The following MAP4 variants were observed in gnomAD, a reference collection of about 807,000 sequenced individuals.
The protein encoded by MAP4 is microtubule-associated protein 4.
In MAP4, 76 loss-of-function variants were observed where a neutral mutation model predicts 170.2. The ratio of observed to expected loss-of-function variants is 0.45; its 90% CI spans 0.37 to 0.54. The LOEUF (loss-of-function observed/expected upper bound fraction) is 0.54. Ranked by LOEUF, MAP4 falls within the 20% of genes least tolerant of loss-of-function variation. The pLI is 0.00. For missense variants in MAP4, 2,506 were observed against 2,748.0 expected (o/e 0.91, Z 1.97); for synonymous variants, 909 against 994.5 (o/e 0.91, Z 1.62).
intron 1 of MAP4, among the ~76,000 whole-genome samples, chr3:48,055,377 A>C (rs1284640207): frequency 6.6e-6 from 1 of 151,716 alleles, no homozygotes; most frequent in East Asian, 1.9e-4. Context: ...GCCACGCCTG[A>C]TTGGTTTTGG....
At chr3:47,915,257 C>G (rs2100038125) in intron 7 of MAP4, among the ~76,000 whole-genome samples, 1 of 151,990 alleles carries the variant, frequency 6.6e-6, no homozygotes, top group Non-Finnish European at 1.5e-5. Context: ...GCTGGGATTA[C>G]AGGCATGCGC....
intron 6 of MAP4, 93 bp downstream of exon 6, chr3:47,918,626 C>G: frequency 1.1e-6 from 1 of 931,550 alleles, no homozygotes. Context: ...ATTTTTATAC[C>G]TGCTGTAAGC....
chr3:47,985,189 A>G (rs2100087883), intron 2 of MAP4, among the ~76,000 whole-genome samples: 2 of 152,188 alleles, frequency 1.3e-5, no homozygotes, highest in South Asian at 4.1e-4. Context: ...CTGAGGCAGG[A>G]GGATCACCTG....
intron 2 of MAP4, chr3:47,987,439 A>C: frequency 6.6e-7 from 1 of 1,520,652 alleles, no homozygotes; most frequent in Non-Finnish European, 8.8e-7. Flanking sequence ...GAGGTCTAGA[A>C]GGGAAAGGGA....
chr3:47,910,778 C>T lies in MAP4; in HGVS notation c.3643G>A (p.Glu1215Lys). 1 of 1,536,100 alleles carries T rather than the reference C, an allele frequency of 6.5e-7. No homozygotes were observed. Among genetic ancestry groups the T allele is most frequent in the Non-Finnish European group, 8.7e-7 (1 of 1,146,894 alleles). ...TTTTTAAACTTTTTGCTTTTGCCTT[C>T]ATTGCCTCTCTTTTTAGGCTTTTCA... ...ISEKPKKRGNEGKSKKFKNNY... is the reference protein window; with the variant it reads ...ISEKPKKRGNKGKSKKFKNNY... The change falls in exon 9 of 21, where the codon GAA becomes AAA. Residue 1215 changes from glutamate to lysine, a missense_variant. Physicochemically the swap from Glu to Lys is moderately conservative, Grantham distance 56. Transcript: ENST00000683076.
intron 1 of MAP4, among the ~76,000 whole-genome samples, chr3:48,077,009 T>C (rs934286798): frequency 1.3e-5 from 2 of 151,842 alleles, no homozygotes; most frequent in Admixed American, 1.3e-4. Flanking sequence ...TATCCAGGTG[T>C]GGTGGCACAC....
At chr3:47,917,602 A>AAG (rs1553619682) in intron 6 of MAP4, among the ~76,000 whole-genome samples, 2 of 151,596 alleles carry the variant, frequency 1.3e-5, no homozygotes, top group Non-Finnish European at 2.9e-5. Flanking sequence ...AAAAAAAAAA[A>AAG]AAGAAGAAGA....
In MAP4 at chr3:47,934,950, G is replaced by A. The variant is rs1004407261; in HGVS notation, c.293-6600C>T. ...TCACCACCCTATGCTTAGGCACTAC[G>A]AAAACACAGAAGCAAGTATTAGCCT... On this transcript the variant is annotated intron_variant, in intron 3 of 20. Coordinates refer to ENST00000683076, the MANE Select transcript of MAP4 (RefSeq NM_001385682.1). 7.2e-5 allele frequency among the ~76,000 whole-genome samples: 11 copies of A among 152,172 alleles called. No individual in the cohort carries two copies. The East Asian group carries it at 1.7e-3, about 24-fold the overall frequency.
chr3:47,896,274 A>G (rs2153203503), intron 10 of MAP4, among the ~76,000 whole-genome samples: 1 of 152,366 alleles, frequency 6.6e-6, no homozygotes, highest in African/African-American at 2.4e-5. Flanking sequence ...TCACGCCTGT[A>G]ATCCCAGCTC....
chr3:47,988,412 A>T (rs906763735), intron 2 of MAP4, among the ~76,000 whole-genome samples: 1 of 152,186 alleles, frequency 6.6e-6, no homozygotes, highest in Non-Finnish European at 1.5e-5. Context: ...ACAGAAAAAG[A>T]GCAGACAATA....
At chr3:47,964,559 G>A (rs967271915) in intron 3 of MAP4, among the ~76,000 whole-genome samples, 4 of 151,982 alleles carry the variant, frequency 2.6e-5, no homozygotes, top group Non-Finnish European at 4.4e-5. Context: ...TTTCAAATTT[G>A]AGATATCAAT....
rs1349486620 is a variant in MAP4, at chr3:47,911,645, C to T, written c.2776G>A (p.Gly926Arg). The change falls in exon 9 of 21, where the codon GGA becomes AGA. Residue 926 changes from glycine to arginine, a missense_variant. Around this residue, in one of 3 missense-constraint regions of MAP4, gnomAD observed 2,008 missense variants for 2,206.0 expected, o/e 0.91. Coordinates refer to ENST00000683076, the MANE Select transcript of MAP4 (RefSeq NM_001385682.1). This position sits in a 1 kb window ranked among gnomAD's most constrained non-coding sequence, Gnocchi z 4.0. ...TATGCAGAAACTTCTGCTAGGGGTC[C>T]TTTCAGATTGAGAGGGCCTACTGAC... ...SQSVGPLNLK[G>R]PLAEVSAYNV... 1.3e-6 allele frequency: 2 copies of T among 1,535,936 alleles called. No homozygotes were observed. The highest frequency in any genetic ancestry group is 2.7e-5 in the African/African-American group (2 of 73,028).
At chr3:48,049,376 T>C (rs994852741) in intron 1 of MAP4, among the ~76,000 whole-genome samples, 7 of 152,170 alleles carry the variant, frequency 4.6e-5, no homozygotes, top group Admixed American at 1.3e-4. Context: ...TCCTAGCACT[T>C]TGGGAGGCCA....
intron 10 of MAP4, among the ~76,000 whole-genome samples, chr3:47,881,446 C>CTATATATATA (rs56923064): frequency 8.3e-4 from 41 of 49,438 alleles, no homozygotes; most frequent in Non-Finnish European, 1.0e-3. Context: ...GAAAAAACAA[C>CTATATATATA]TATATATATA....
chr3:48,026,162 TGTTG>T (rs1368608213), intron 1 of MAP4, among the ~76,000 whole-genome samples: 1 of 152,184 alleles, frequency 6.6e-6, no homozygotes, highest in Non-Finnish European at 1.5e-5. Context: ...TGGCCAAAAT[TGTTG>T]CAATTACCAT....
intron 3 of MAP4, among the ~76,000 whole-genome samples, chr3:47,939,768 A>G (rs2100055154): frequency 6.6e-6 from 1 of 151,828 alleles, no homozygotes; most frequent in African/African-American, 2.4e-5. Flanking sequence ...TTAATCAGAG[A>G]AATGGGTACA....
Position 47,855,129 on chromosome 3 carries a change from G to T in MAP4, c.6696+119C>A. The T allele has an allele frequency of 1.4e-6, 1 of 691,632 alleles. No individual in the cohort carries two copies. Among genetic ancestry groups the T allele is most frequent in the Non-Finnish European group, 2.6e-6 (1 of 380,362 alleles). 42.8% of individuals were successfully genotyped at this position (691,632 alleles called of 1,614,324 possible). A position where few individuals can be genotyped will look rare whatever the true frequency, so the allele number is the denominator to read the frequency against. On this transcript the variant is annotated intron_variant, in intron 19 of 20. Coordinates refer to ENST00000683076, the MANE Select transcript of MAP4 (RefSeq NM_001385682.1). This position sits in a 1 kb window ranked among gnomAD's most constrained non-coding sequence, Gnocchi z 5.1. ...GGAAAACGGCAATGGTGTGGGTGAAGACATGACTCCTGAAGAGACTGAGGG... is the reference window on the plus strand; with the variant it reads ...GGAAAACGGCAATGGTGTGGGTGAATACATGACTCCTGAAGAGACTGAGGG...
rs1298111100 is a variant in MAP4 at position 47,855,504 on chromosome 3, T to A, written c.6584-144A>T. On this transcript the variant is annotated intron_variant, in intron 18 of 20. Coordinates refer to ENST00000683076, the MANE Select transcript of MAP4 (RefSeq NM_001385682.1). The surrounding 1 kb of genome is among the most constrained non-coding windows in gnomAD (Gnocchi z 5.1). ...AAATGAAGAACAGTGAACACGTTTG[T>A]CTAAAGAGGACTTCTCATATCACAG... 2 of 645,078 alleles carry A rather than the reference T, an allele frequency of 3.1e-6. No homozygotes were observed. The highest frequency in any genetic ancestry group is 5.7e-6 in the Non-Finnish European group (2 of 351,018). 40.0% of individuals were successfully genotyped at this position (645,078 alleles called of 1,614,324 possible).
At chr3:48,042,935 T>C (rs1235015872) in intron 1 of MAP4, among the ~76,000 whole-genome samples, 1 of 152,180 alleles carries the variant, frequency 6.6e-6, no homozygotes, top group Non-Finnish European at 1.5e-5. Flanking sequence ...GGTAAATTTA[T>C]ACAGAAAGTA....
Sources: allele counts gnomAD v4.1 joint callset (sites outside exome capture counted in the v4.1 genomes callset), GRCh38; gene constraint gnomAD v4.1.1; regional missense constraint gnomAD v4.1.1; non-coding constraint Gnocchi (gnomAD v3.1); transcripts MANE v1.5; gene names NCBI Gene and HGNC (gene_info 2026-07-23, HGNC 2026-07-21).